GPC6: variants seen among roughly 807,000 people sequenced by gnomAD.
The protein encoded by GPC6 is glypican 6, also known as glypican-6.
In GPC6, 14 loss-of-function variants were observed where a neutral mutation model predicts 55.2. That is an observed-to-expected ratio of 0.25 (90% confidence interval 0.17 to 0.40). GPC6 has a LOEUF of 0.40. Ranked by LOEUF, GPC6 falls within the 10% of genes least tolerant of loss-of-function variation. GPC6 has a pLI of 1.00. For missense variants in GPC6, 641 were observed against 708.5 expected, an observed-to-expected ratio of 0.90 and a Z score of 1.08; for synonymous variants, 278 against 259.6, an observed-to-expected ratio of 1.07 and a Z score of -0.68.
At chr13:93,466,796 G>A (rs1878919962) in intron 1 of GPC6, among the ~76,000 whole-genome samples, 1 of 152,136 alleles carries the variant, frequency 6.6e-6, no homozygotes, top group Non-Finnish European at 1.5e-5. Flanking sequence ...CTCATGTGCT[G>A]GTGGAGTACT....
chr13:93,578,346 G>C (rs750831449), intron 2 of GPC6, among the ~76,000 whole-genome samples: 7 of 152,022 alleles, frequency 4.6e-5, no homozygotes, highest in Admixed American at 3.3e-4. Flanking sequence ...TCTTTGATGA[G>C]AGACTTTTAT....
At chr13:94,127,404 C>A (rs1219620026) in intron 4 of GPC6, among the ~76,000 whole-genome samples, 1 of 152,104 alleles carries the variant, frequency 6.6e-6, no homozygotes, top group African/African-American at 2.4e-5. Context: ...CTTTCTCTTG[C>A]TCCTACTTTC....
intron 3 of GPC6, among the ~76,000 whole-genome samples, chr13:93,914,485 C>G (rs1877187265): frequency 6.6e-6 from 1 of 152,150 alleles, no homozygotes; most frequent in Non-Finnish European, 1.5e-5. Context: ...GCTCTTTTAA[C>G]TAATTTTATT....
At chr13:93,507,525 TC>T (rs1880782334) in intron 1 of GPC6, among the ~76,000 whole-genome samples, 1 of 152,188 alleles carries the variant, frequency 6.6e-6, no homozygotes, top group Non-Finnish European at 1.5e-5. Context: ...CTACTTTAAT[TC>T]CAATGAGCAG....
chr13:94,337,028 A>T (rs1476711113), intron 6 of GPC6, among the ~76,000 whole-genome samples: 3 of 152,230 alleles, frequency 2.0e-5, no homozygotes, highest in African/African-American at 7.2e-5. Flanking sequence ...GAAAGGAGAT[A>T]CCACAAGGAG....
chr13:93,760,505 T>C (rs563005888), intron 2 of GPC6, among the ~76,000 whole-genome samples: 59 of 152,230 alleles, frequency 3.9e-4, no homozygotes, highest in African/African-American at 1.4e-3. Flanking sequence ...GCTTCAGAGC[T>C]CGGAGGGCAT....
chr13:94,099,145 T>C (rs1594735167), intron 4 of GPC6, among the ~76,000 whole-genome samples: 1 of 152,184 alleles, frequency 6.6e-6, no homozygotes, highest in Admixed American at 6.5e-5. Context: ...ATACTGTTTT[T>C]ATAGCAGACT....
intron 2 of GPC6, among the ~76,000 whole-genome samples, chr13:93,776,529 A>C (rs1427246503): frequency 2.0e-5 from 3 of 152,126 alleles, no homozygotes; most frequent in Admixed American, 2.0e-4. Context: ...ATACTGGGAT[A>C]ATGAACTGAT....
intron 2 of GPC6, among the ~76,000 whole-genome samples, chr13:93,577,594 T>C (rs1876725110): frequency 6.6e-6 from 1 of 152,108 alleles, no homozygotes; most frequent in African/African-American, 2.4e-5. Flanking sequence ...ATTCTGACAG[T>C]TTTTTGGTGG....
At chr13:93,735,207 G>T (rs1883955921) in intron 2 of GPC6, among the ~76,000 whole-genome samples, 1 of 152,070 alleles carries the variant, frequency 6.6e-6, no homozygotes, top group African/African-American at 2.4e-5. Flanking sequence ...TGCATACCTG[G>T]TTTCTGTACC....
intron 1 of GPC6, among the ~76,000 whole-genome samples, chr13:93,520,153 C>A (rs1419876014): frequency 6.6e-6 from 1 of 151,892 alleles, no homozygotes; most frequent in Non-Finnish European, 1.5e-5. Flanking sequence ...CTTTGATTTG[C>A]AGCTGTTAGA....
At chr13:94,056,185 G>A (rs945775085) in intron 4 of GPC6, among the ~76,000 whole-genome samples, 9 of 151,992 alleles carry the variant, frequency 5.9e-5, no homozygotes, top group African/African-American at 2.2e-4. Context: ...CTAGAGTTTT[G>A]GACACACATG....
chr13:94,193,359 G>A (rs1889462470), intron 4 of GPC6, among the ~76,000 whole-genome samples: 1 of 152,104 alleles, frequency 6.6e-6, no homozygotes, highest in Admixed American at 6.6e-5. Context: ...TTTGCAAGCT[G>A]GTGAGGCTGT....
At chr13:93,375,132 A>G (rs1874832210) in intron 1 of GPC6, among the ~76,000 whole-genome samples, 1 of 152,192 alleles carries the variant, frequency 6.6e-6, no homozygotes, top group Admixed American at 6.5e-5. Context: ...ATATGGTATC[A>G]GGCCTAATTA....
intron 2 of GPC6, among the ~76,000 whole-genome samples, chr13:93,659,031 T>G (rs906782621): frequency 2.6e-5 from 4 of 151,948 alleles, no homozygotes; most frequent in Non-Finnish European, 5.9e-5. Flanking sequence ...TATTAACTAC[T>G]GATCCATTTT....
At chr13:93,664,946 C>T (rs1881075255) in intron 2 of GPC6, among the ~76,000 whole-genome samples, 1 of 152,144 alleles carries the variant, frequency 6.6e-6, no homozygotes, top group South Asian at 2.1e-4. Flanking sequence ...ACAATTTAAA[C>T]AGTTGTTATT....
intron 3 of GPC6, among the ~76,000 whole-genome samples, chr13:93,918,042 A>T (rs1233741216): frequency 1.6e-4 from 25 of 151,968 alleles, no homozygotes; most frequent in Non-Finnish European, 2.9e-5. Context: ...GGTTGCGGTG[A>T]GCTGAGATCA....
At chr13:93,473,399 C>T (rs1195332545) in intron 1 of GPC6, among the ~76,000 whole-genome samples, 2 of 152,160 alleles carry the variant, frequency 1.3e-5, no homozygotes, top group Non-Finnish European at 2.9e-5. Flanking sequence ...TGTGATAGCA[C>T]CCATGCTTGG....
intron 2 of GPC6, among the ~76,000 whole-genome samples, chr13:93,726,100 TCATACA>T (rs1226764142): frequency 1.8e-4 from 17 of 93,630 alleles, no homozygotes; most frequent in African/African-American, 5.9e-4. Flanking sequence ...ACTTTTTCCT[TCATACA>T]CACACACACA....
Sources: gnomAD v4.1 joint callset for allele counts (sites outside exome capture counted in the v4.1 genomes callset) on GRCh38, gnomAD v4.1.1 for gene constraint, MANE v1.5 for transcripts, NCBI Gene and HGNC (gene_info 2026-07-23, HGNC 2026-07-21) for gene names.